The following ARHGAP12 variants were observed in gnomAD, a reference collection of about 807,000 sequenced individuals.
ARHGAP12 encodes the protein rho GTPase-activating protein 12.
In ARHGAP12, 64 loss-of-function variants were observed where a neutral mutation model predicts 108.6. The observed-to-expected ratio is 0.59, with a 90% CI of 0.48 to 0.73. ARHGAP12 has a LOEUF of 0.73. Among genes scored for constraint, ARHGAP12 ranks in the 30% least tolerant of loss-of-function variants. ARHGAP12 has a pLI of 0.00. For synonymous variants in ARHGAP12, 312 were observed against 337.2 expected, an observed-to-expected ratio of 0.93 and a Z score of 0.82; for missense variants, 940 against 1,005.9, an observed-to-expected ratio of 0.93 and a Z score of 0.89.
chr10:31,870,804 AC>A (rs747311986), intron 3 of ARHGAP12, among the ~76,000 whole-genome samples: 1 of 152,214 alleles, frequency 6.6e-6, no homozygotes, highest in African/African-American at 2.4e-5. Flanking sequence ...AATTTTGAAA[AC>A]AAAAACTTAC....
Position 31,854,159 on chromosome 10 carries a change from T to A in ARHGAP12, c.996A>T (p.Ser332=). The A allele has an allele frequency of 6.2e-7, 1 of 1,613,642 alleles. No homozygotes were observed. The highest frequency in any genetic ancestry group is 8.5e-7 in the Non-Finnish European group (1 of 1,179,848). Residue 332 remains serine, a synonymous_variant, in exon 5 of 20, where the codon TCA becomes TCT. Transcript: ENST00000344936. ...ENYYSTSYSQ[S]DSQCGSPPRG... ...TTGGAGGAGAACCACACTGACTATC[T>A]GACTGGCTGTAAGAAGTGCTGTAGT...
chr10:31,822,404 A>G (rs1835448758), intron 11 of ARHGAP12, among the ~76,000 whole-genome samples: 1 of 152,214 alleles, frequency 6.6e-6, no homozygotes, highest in Non-Finnish European at 1.5e-5. Flanking sequence ...TGTCATAACA[A>G]TGCACAACAG....
At chr10:31,842,948 TA>T (rs1263254740) in intron 7 of ARHGAP12, among the ~76,000 whole-genome samples, 4 of 152,026 alleles carry the variant, frequency 2.6e-5, no homozygotes, top group African/African-American at 9.7e-5. Context: ...CTCAGACTGA[TA>T]AAAGAAGTGC....
chr10:31,874,119 T>A (rs1403448160), intron 3 of ARHGAP12, among the ~76,000 whole-genome samples: 1 of 152,198 alleles, frequency 6.6e-6, no homozygotes, highest in Non-Finnish European at 1.5e-5. Context: ...ATACATTACA[T>A]GAATAAATCT....
intron 1 of ARHGAP12, among the ~76,000 whole-genome samples, chr10:31,925,736 T>G (rs1485953156): frequency 4.6e-5 from 7 of 152,166 alleles, no homozygotes; most frequent in Non-Finnish European, 4.4e-5. Context: ...ACACTAAGAG[T>G]AACATTGGTC....
At chr10:31,865,794 C>T (rs937286596) in intron 3 of ARHGAP12, among the ~76,000 whole-genome samples, 1 of 151,236 alleles carries the variant, frequency 6.6e-6, no homozygotes, top group Non-Finnish European at 1.5e-5. Flanking sequence ...AGGAGAATGG[C>T]GTGAACCCAG....
At chr10:31,916,620 T>C (rs1839567622) in intron 1 of ARHGAP12, among the ~76,000 whole-genome samples, 1 of 152,158 alleles carries the variant, frequency 6.6e-6, no homozygotes, top group Admixed American at 6.5e-5. Flanking sequence ...AGAAACATAA[T>C]GTATCTTTTT....
intron 1 of ARHGAP12, among the ~76,000 whole-genome samples, chr10:31,922,978 A>G (rs1342874371): frequency 6.6e-6 from 1 of 152,084 alleles, no homozygotes; most frequent in Non-Finnish European, 1.5e-5. Flanking sequence ...AAAAGTTTAC[A>G]AAATTAGCTG....
rs200026325 is a variant in ARHGAP12, at chr10:31,807,537, CA to C, written c.*120del. 930 of 935,684 alleles carry C rather than the reference CA, an allele frequency of 9.9e-4. No homozygotes were observed. Among genetic ancestry groups the C allele is most frequent in the South Asian group, 1.8e-3 (84 of 47,658 alleles). The allele number at this position is 935,684 out of a possible 1,614,324, so 58.0% of individuals were successfully genotyped here. On this transcript the variant is annotated 3_prime_UTR_variant, in exon 20 of 20. Coordinates refer to ENST00000344936, the MANE Select transcript of ARHGAP12 (RefSeq NM_018287.7). ...ACTCTCCCCTTCCCTTCTGATCCCT[CA>C]AAAAAAAAGTGCAAAATCAAAGAGT...
At chr10:31,864,025 G>T (rs1464665002) in intron 3 of ARHGAP12, among the ~76,000 whole-genome samples, 3 of 152,062 alleles carry the variant, frequency 2.0e-5, no homozygotes, top group African/African-American at 7.2e-5. Flanking sequence ...TTAAATAGAA[G>T]AACACTGTAA....
chr10:31,846,748 T>C (rs1274215006), intron 6 of ARHGAP12, among the ~76,000 whole-genome samples: 1 of 152,126 alleles, frequency 6.6e-6, no homozygotes, highest in Non-Finnish European at 1.5e-5. Flanking sequence ...CTTGAGTCTG[T>C]TGGTTTGTCT....
chr10:31,852,371 C>A, intron 6 of ARHGAP12, 146 bp downstream of exon 6: 2 of 677,124 alleles, frequency 3.0e-6, no homozygotes, highest in South Asian at 1.7e-5. Flanking sequence ...ACTTACACTA[C>A]TCACAGTATT....
chr10:31,857,709 G>C lies in ARHGAP12; in HGVS notation c.949-3503C>G, dbSNP rs185883663. Among the ~76,000 whole-genome samples the C allele has an allele frequency of 2.5e-3, 384 of 152,226 alleles. 1 individual carries two copies. The highest frequency in any genetic ancestry group is 8.8e-3 in the African/African-American group (367 of 41,546). On this transcript the variant is annotated intron_variant, in intron 4 of 19. Coordinates refer to ENST00000344936, the MANE Select transcript of ARHGAP12 (RefSeq NM_018287.7). Reference sequence around the variant, plus strand: ...ACTACACTTAAAGAAAAGACAATCAGATTGACATCTGAATTTTCAGCATCA... The same window carrying C: ...ACTACACTTAAAGAAAAGACAATCACATTGACATCTGAATTTTCAGCATCA...
intron 3 of ARHGAP12, among the ~76,000 whole-genome samples, chr10:31,862,331 GA>G (rs1837145536): frequency 6.6e-6 from 1 of 152,074 alleles, no homozygotes; most frequent in African/African-American, 2.4e-5. Context: ...AGAAAAGTAA[GA>G]ATTAGTAGTA....
chr10:31,847,120 CAA>C (rs1347104022), intron 6 of ARHGAP12, among the ~76,000 whole-genome samples: 1 of 152,024 alleles, frequency 6.6e-6, no homozygotes, highest in Non-Finnish European at 1.5e-5. Context: ...TCACTTATCT[CAA>C]GTGTGTTTAT....
In ARHGAP12 at chr10:31,854,353, AGT is replaced by A. The variant is rs1836809936; in HGVS notation, c.949-149_949-148del. On this transcript the variant is annotated intron_variant, in intron 4 of 19. Transcript: ENST00000344936. ...ATTTGATTTTGAAAATAAATTGATAAGTCTTTAAATGGTACATTGTAAGAGGT... is the reference window on the plus strand; with the variant it reads ...ATTTGATTTTGAAAATAAATTGATAACTTTAAATGGTACATTGTAAGAGGT... 6 of 783,548 alleles carry A rather than the reference AGT, an allele frequency of 7.7e-6. No individual in the cohort carries two copies. The East Asian group carries it at 1.4e-4, about 19-fold the overall frequency. The allele number at this position is 783,548 out of a possible 1,614,324, so 48.5% of individuals were successfully genotyped here. A position where few individuals can be genotyped will look rare whatever the true frequency, so the allele number is the denominator to read the frequency against.
Position 31,809,275 on chromosome 10 carries a change from C to A in ARHGAP12, c.2083G>T (p.Gly695Cys). The change falls in exon 17 of 20, where the codon GGC becomes TGC. Residue 695 changes from glycine to cysteine, a missense_variant. Coordinates refer to ENST00000344936, the MANE Select transcript of ARHGAP12 (RefSeq NM_018287.7). Reference sequence around the variant, plus strand: ...AGTTTCTGGATCACTGCGAGGTTGCCACTTACTCTGTATATCCCATCAATA... The same window carrying A: ...AGTTTCTGGATCACTGCGAGGTTGCAACTTACTCTGTATATCCCATCAATA... Reference protein sequence around the residue: ...LDIDGIYRVSGNLAVIQKLRF... With the variant: ...LDIDGIYRVSCNLAVIQKLRF... The A allele has an allele frequency of 6.2e-7, 1 of 1,613,830 alleles. No individual in the cohort carries two copies. The highest frequency in any genetic ancestry group is 1.1e-5 in the South Asian group (1 of 91,052).
At chr10:31,902,533 G>A (rs563859769) in intron 3 of ARHGAP12, among the ~76,000 whole-genome samples, 2 of 152,026 alleles carry the variant, frequency 1.3e-5, no homozygotes, top group East Asian at 1.9e-4. Flanking sequence ...TAAACTAGCT[G>A]GGCATGGTGG....
chr10:31,830,366 T>G (rs1835788817), intron 10 of ARHGAP12, among the ~76,000 whole-genome samples: 1 of 151,738 alleles, frequency 6.6e-6, no homozygotes, highest in South Asian at 2.1e-4. Context: ...TTGAAAAAAG[T>G]ATTCCAAAAG....
Sources: gnomAD v4.1 joint callset for allele counts (sites outside exome capture counted in the v4.1 genomes callset) on GRCh38, gnomAD v4.1.1 for gene constraint, MANE v1.5 for transcripts, NCBI Gene and HGNC (gene_info 2026-07-23, HGNC 2026-07-21) for gene names.